The following ST6GALNAC3 variants were observed in gnomAD, a reference collection of about 807,000 sequenced individuals.
ST6GALNAC3 encodes the protein ST6 N-acetylgalactosaminide alpha-2,6-sialyltransferase 3.
Under a neutral mutation model 32.7 loss-of-function variants are expected in ST6GALNAC3, and 25 were observed. The ratio of observed to expected loss-of-function variants is 0.76; its 90% CI spans 0.56 to 1.07. ST6GALNAC3 has a LOEUF of 1.07. Ranked by LOEUF, ST6GALNAC3 falls within the 50% of genes least tolerant of loss-of-function variation. The pLI, the probability that ST6GALNAC3 is intolerant of heterozygous loss-of-function variation, is 0.00. For synonymous variants in ST6GALNAC3, 129 were observed against 133.1 expected (o/e 0.97, Z 0.21); for missense variants, 355 against 382.4 (o/e 0.93, Z 0.60).
chr1:76,095,131 C>G (rs147596846), intron 1 of ST6GALNAC3, among the ~76,000 whole-genome samples: 1 of 152,012 alleles, frequency 6.6e-6, no homozygotes, highest in African/African-American at 2.4e-5. Flanking sequence ...GATATATATA[C>G]CCCTGGGATC....
Position 76,629,226 on chromosome 1 carries a change from T to G in ST6GALNAC3, c.*420T>G. 1.0e-6 allele frequency: 1 copy of G among 998,778 alleles called. No individual in the cohort carries two copies. Among genetic ancestry groups the G allele is most frequent in the Middle Eastern group, 5.0e-4 (1 of 1,996 alleles). The allele number at this position is 998,778 out of a possible 1,614,324, so 61.9% of individuals were successfully genotyped here. A position where few individuals can be genotyped will look rare whatever the true frequency, so the allele number is the denominator to read the frequency against. The stretch of plus-strand genomic sequence containing the variant: ...CAATGGCTTGTTGAATCTCAGCAGT[T>G]CCGCCATCTTGAAGAATGATTGATT... On this transcript the variant is annotated 3_prime_UTR_variant, in exon 5 of 5. Transcript: ENST00000328299.
intron 1 of ST6GALNAC3, among the ~76,000 whole-genome samples, chr1:76,115,745 C>G (rs1246484883): frequency 2.0e-5 from 3 of 152,078 alleles, no homozygotes; most frequent in Non-Finnish European, 2.9e-5. Flanking sequence ...CCACCCATCA[C>G]CTGCCAATTG....
In ST6GALNAC3 at chr1:76,285,119, G is replaced by A. The variant is rs950292367; in HGVS notation, c.19-28686G>A. Among the ~76,000 whole-genome samples, 9 of 152,286 alleles carry A rather than the reference G, an allele frequency of 5.9e-5. 1 individual carries two copies. The South Asian group carries it at 1.9e-3, about 32-fold the overall frequency. On this transcript the variant is annotated intron_variant, in intron 1 of 4. Transcript: ENST00000328299. The stretch of plus-strand genomic sequence containing the variant: ...AATGGACTAGAAATGATCACATAGA[G>A]AATTCCTTGTGTCTAACCTAGAACT...
intron 1 of ST6GALNAC3, among the ~76,000 whole-genome samples, chr1:76,170,964 A>AGG (rs1652453379): frequency 6.6e-6 from 1 of 152,222 alleles, no homozygotes; most frequent in Non-Finnish European, 1.5e-5. Context: ...AGTATTTCTT[A>AGG]CAGTAGAGGA....
At chr1:76,485,234 C>A (rs1258378856) in intron 3 of ST6GALNAC3, among the ~76,000 whole-genome samples, 1 of 152,188 alleles carries the variant, frequency 6.6e-6, no homozygotes, top group Non-Finnish European at 1.5e-5. Flanking sequence ...ATGCTGGCCT[C>A]ATAAAATGAG....
intron 1 of ST6GALNAC3, among the ~76,000 whole-genome samples, chr1:76,212,366 A>C (rs866783730): frequency 2.0e-5 from 3 of 152,334 alleles, no homozygotes; most frequent in Non-Finnish European, 4.4e-5. Context: ...TCCCATAAGC[A>C]GCATTCTCAA....
chr1:76,168,805 G>A (rs535944277), intron 1 of ST6GALNAC3, among the ~76,000 whole-genome samples: 86 of 151,530 alleles, frequency 5.7e-4, no homozygotes, highest in Middle Eastern at 3.4e-3. Flanking sequence ...TTTCTGCTTG[G>A]TAGATTTTTC....
intron 3 of ST6GALNAC3, among the ~76,000 whole-genome samples, chr1:76,436,901 C>T (rs978776880): frequency 1.9e-4 from 29 of 152,096 alleles, no homozygotes; most frequent in African/African-American, 7.0e-4. Flanking sequence ...ATAATGTCAT[C>T]ATCATTTTTA....
At chr1:76,579,064 A>G (rs773716574) in intron 3 of ST6GALNAC3, among the ~76,000 whole-genome samples, 1 of 152,046 alleles carries the variant, frequency 6.6e-6, no homozygotes, top group Non-Finnish European at 1.5e-5. Flanking sequence ...AGACTATTAT[A>G]TGTCTGGTAA....
chr1:76,236,344 G>GT (rs1656658722), intron 1 of ST6GALNAC3, among the ~76,000 whole-genome samples: 1 of 152,170 alleles, frequency 6.6e-6, no homozygotes, highest in African/African-American at 2.4e-5. Context: ...CAACATACGA[G>GT]TTTTGGAAGA....
chr1:76,255,903 A>T (rs1442486175), intron 1 of ST6GALNAC3, among the ~76,000 whole-genome samples: 1 of 152,098 alleles, frequency 6.6e-6, no homozygotes, highest in Non-Finnish European at 1.5e-5. Context: ...TAAAATAAAG[A>T]TCAAATACAT....
In ST6GALNAC3 at chr1:76,497,555, G is replaced by T. The variant is rs142439904; in HGVS notation, c.623+85138G>T. 4.9e-3 allele frequency among the ~76,000 whole-genome samples: 745 copies of T among 152,282 alleles called. 7 individuals are homozygous for T. Among genetic ancestry groups the T allele is most frequent in the African/African-American group, 0.017 (716 of 41,572 alleles). On this transcript the variant is annotated intron_variant, in intron 3 of 4. Coordinates refer to ENST00000328299, the MANE Select transcript of ST6GALNAC3 (RefSeq NM_152996.4). ...AAAGCTCAACCTAGTATTTAGAAAA[G>T]ATTTAGGGGGACATAGAAAGAAAAC...
At chr1:76,604,002 A>G (rs1448567240) in intron 3 of ST6GALNAC3, among the ~76,000 whole-genome samples, 1 of 152,224 alleles carries the variant, frequency 6.6e-6, no homozygotes, top group African/African-American at 2.4e-5. Context: ...AACATAACAC[A>G]TTTAGTTTAA....
intron 1 of ST6GALNAC3, among the ~76,000 whole-genome samples, chr1:76,123,749 ATTTTTT>A (rs767734132): frequency 8.5e-5 from 8 of 94,288 alleles, no homozygotes; most frequent in East Asian, 2.8e-4. Context: ...ACTCATTTTA[ATTTTTT>A]TTTTTTTTTT....
At chr1:76,178,344 G>C (rs1652972123) in intron 1 of ST6GALNAC3, among the ~76,000 whole-genome samples, 2 of 152,316 alleles carry the variant, frequency 1.3e-5, no homozygotes, top group South Asian at 4.1e-4. Context: ...AAAGTATTCT[G>C]CCATTGATTC....
chr1:76,491,235 G>A (rs1660483128), intron 3 of ST6GALNAC3, among the ~76,000 whole-genome samples: 1 of 152,116 alleles, frequency 6.6e-6, no homozygotes, highest in African/African-American at 2.4e-5. Context: ...AAGCAAGAGG[G>A]TTGGAGGAGA....
intron 3 of ST6GALNAC3, among the ~76,000 whole-genome samples, chr1:76,571,932 ATCT>A (rs1218131463): frequency 6.6e-6 from 1 of 152,124 alleles, no homozygotes; most frequent in African/African-American, 2.4e-5. Flanking sequence ...TATAGCAATC[ATCT>A]TATCAAAAAT....
At chr1:76,514,680 C>T (rs1192568631) in intron 3 of ST6GALNAC3, among the ~76,000 whole-genome samples, 3 of 152,146 alleles carry the variant, frequency 2.0e-5, no homozygotes, top group Non-Finnish European at 4.4e-5. Context: ...AAAGCCCTTG[C>T]AAAAGCCAAG....
chr1:76,597,819 A>G (rs1378195729), intron 3 of ST6GALNAC3, among the ~76,000 whole-genome samples: 1 of 152,156 alleles, frequency 6.6e-6, no homozygotes, highest in African/African-American at 2.4e-5. Flanking sequence ...ACCGTTTCCA[A>G]TGAATCATTC....
Sources: gnomAD v4.1 joint callset for allele counts (sites outside exome capture counted in the v4.1 genomes callset) on GRCh38, gnomAD v4.1.1 for gene constraint, MANE v1.5 for transcripts, NCBI Gene and HGNC (gene_info 2026-07-23, HGNC 2026-07-21) for gene names.